PSD4: variants seen among roughly 807,000 people sequenced by gnomAD.
PSD4 encodes PH and SEC7 domain-containing protein 4.
PSD4 carries 59 observed loss-of-function variants against 112.5 expected under a neutral mutation model. The ratio of observed to expected loss-of-function variants is 0.52; its 90% confidence interval spans 0.43 to 0.65. The LOEUF is 0.65. Among genes scored for constraint, PSD4 ranks in the 30% least tolerant of loss-of-function variants. The pLI is 0.00. For missense variants in PSD4, 1,267 were observed against 1,352.6 expected, an observed-to-expected ratio of 0.94 and a Z score of 0.99; for synonymous variants, 533 against 540.0, an observed-to-expected ratio of 0.99 and a Z score of 0.18.
chr2:113,185,685 C>T (rs1486873383), intron 4 of PSD4, 192 bp from the exon 5 acceptor site: 4 of 1,548,326 alleles, frequency 2.6e-6, no homozygotes, highest in Non-Finnish European at 3.5e-6. Context: ...CCCTTAGTTG[C>T]CTGGAGGCTT....
At position 113,202,623 on chromosome 2, in the gene PSD4, A is replaced by G. The variant is rs1256034708; in HGVS notation, c.*1208A>G. ...TGGACTTGGGGCTCTGCCTGTAGGA[A>G]GGAGGCTGGGCCGGAGGGACCAGCC... On this transcript the variant is annotated 3_prime_UTR_variant, in exon 17 of 17. Coordinates refer to ENST00000245796, the MANE Select transcript of PSD4 (RefSeq NM_012455.3). The G allele has an allele frequency of 4.6e-5, 7 of 152,250 alleles. No homozygotes were observed. Among genetic ancestry groups the G allele is most frequent in the Non-Finnish European group, 8.8e-5 (6 of 68,098 alleles). The allele number at this position is 152,250 out of a possible 1,614,324, so 9.4% of individuals were successfully genotyped here.
In PSD4 at chr2:113,201,488, T is replaced by C; in HGVS notation, c.*73T>C. The C allele has an allele frequency of 1.3e-6, 2 of 1,554,554 alleles. No homozygotes were observed. The highest frequency in any genetic ancestry group is 1.7e-6 in the Non-Finnish European group (2 of 1,144,004). ...GAGATGAACCTCCCTGGAGGAGACT[T>C]ATTTCAATGAGTCCACCATGACGGA... On this transcript the variant is annotated 3_prime_UTR_variant, in exon 17 of 17. Transcript: ENST00000245796.
At chr2:113,174,270 C>T (rs1442339688) in intron 1 of PSD4, among the ~76,000 whole-genome samples, 4 of 152,180 alleles carry the variant, frequency 2.6e-5, no homozygotes, top group African/African-American at 4.8e-5. Context: ...CCTCCTCCCT[C>T]AGCCTACCCC....
rs1234302446 is a variant in PSD4, at chr2:113,204,684, C to T, written c.*3269C>T. 1 of 152,232 alleles carries T rather than the reference C, an allele frequency of 6.6e-6. No homozygotes were observed. Among genetic ancestry groups the T allele is most frequent in the Non-Finnish European group, 1.5e-5 (1 of 68,066 alleles). The allele number at this position is 152,232 out of a possible 1,614,324, so 9.4% of individuals were successfully genotyped here. A position where few individuals can be genotyped will look rare whatever the true frequency, so the allele number is the denominator to read the frequency against. ...CTGATATAACTGCTTCCTGGGCTCT[C>T]ATGATCTCAGCTGAGCCTGGCTTTC... On this transcript the variant is annotated 3_prime_UTR_variant, in exon 17 of 17. Coordinates refer to ENST00000245796, the MANE Select transcript of PSD4 (RefSeq NM_012455.3).
chr2:113,194,409 G>T (rs1290931954), intron 10 of PSD4, among the ~76,000 whole-genome samples: 2 of 152,228 alleles, frequency 1.3e-5, no homozygotes, highest in Non-Finnish European at 2.9e-5. Flanking sequence ...TTATCAAGAT[G>T]AAATGAAATC....
At position 113,201,673 on chromosome 2, in the gene PSD4, G is replaced by A. The variant is rs1444080912; in HGVS notation, c.*258G>A. On this transcript the variant is annotated 3_prime_UTR_variant, in exon 17 of 17. Coordinates refer to ENST00000245796, the MANE Select transcript of PSD4 (RefSeq NM_012455.3). ...TGGCCACGCCCAAGGGAAGAGGGAG[G>A]TGAGGACTTGACTTTCCTCCCAGAG... The A allele has an allele frequency of 5.5e-6, 3 of 540,642 alleles. No individual in the cohort carries two copies. The highest frequency in any genetic ancestry group is 3.4e-5 in the Admixed American group (1 of 29,818). 33.5% of individuals were successfully genotyped at this position (540,642 alleles called of 1,614,324 possible).
At position 113,193,143 on chromosome 2, in the gene PSD4, C is replaced by T; in HGVS notation, c.1919+15C>T. On this transcript the variant is annotated intron_variant, in intron 7 of 16. Coordinates refer to ENST00000245796, the MANE Select transcript of PSD4 (RefSeq NM_012455.3). ...CGAGCCCTCCGGTAATGTCTTTGGG[C>T]CCTCTCTGGGGAGGCTGTGGAGGAT... 9 of 1,612,380 alleles carry T rather than the reference C, an allele frequency of 5.6e-6. No homozygotes were observed. The highest frequency in any genetic ancestry group is 7.6e-6 in the Non-Finnish European group (9 of 1,178,510).
chr2:113,186,151 A>C lies in PSD4; in HGVS notation c.1524A>C (p.Ala508=). The change falls in exon 5 of 17, where the codon GCA becomes GCC. Residue 508 remains alanine, a synonymous_variant. Coordinates refer to ENST00000245796, the MANE Select transcript of PSD4 (RefSeq NM_012455.3). ...EQPSSLKKKE[A]GEAPKPGEEV... ...CAAGTTCCTTGAAGAAAAAGGAGGC[A>C]GGGGAGGCCCCAAAACCAGGCGAGG... 1 of 1,614,210 alleles carries C rather than the reference A, an allele frequency of 6.2e-7. No individual in the cohort carries two copies. The highest frequency in any genetic ancestry group is 8.5e-7 in the Non-Finnish European group (1 of 1,180,042).
intron 5 of PSD4, among the ~76,000 whole-genome samples, chr2:113,186,821 A>G (rs45466400): frequency 0.013 from 1,960 of 152,294 alleles, 39 homozygotes; most frequent in African/African-American, 0.045. Context: ...AGAAGTAGGA[A>G]TAGGCCAACT....
Position 113,182,352 on chromosome 2 carries a change from T to C in PSD4, c.-105T>C. ...TTGCTTTGGGCATTTCCAGGGTAGATATGGATTCCCAGTTTCTCCAGCGGC... is the reference window on the plus strand; with the variant it reads ...TTGCTTTGGGCATTTCCAGGGTAGACATGGATTCCCAGTTTCTCCAGCGGC... On this transcript the variant is annotated 5_prime_UTR_variant, in exon 2 of 17. Transcript: ENST00000245796. The C allele has an allele frequency of 8.8e-7, 1 of 1,136,224 alleles. No individual in the cohort carries two copies. The highest frequency in any genetic ancestry group is 1.5e-5 in the South Asian group (1 of 64,782). The allele number at this position is 1,136,224 out of a possible 1,614,324, so 70.4% of individuals were successfully genotyped here.
At chr2:113,175,828 C>T (rs1308304591) in intron 1 of PSD4, among the ~76,000 whole-genome samples, 1 of 152,198 alleles carries the variant, frequency 6.6e-6, no homozygotes, top group Non-Finnish European at 1.5e-5. Flanking sequence ...GACAGCAAAA[C>T]AACAAAATTA....
At chr2:113,195,583 G>C in intron 10 of PSD4, 144 bp from the exon 11 acceptor site, 1 of 706,906 alleles carries the variant, frequency 1.4e-6, no homozygotes, top group Non-Finnish European at 2.5e-6. Context: ...ATGGATGCTT[G>C]CTTACTCAAG....
Position 113,196,150 on chromosome 2 carries a change from TGAA to T in PSD4, c.2235_2237del (p.Glu745del), listed in dbSNP as rs1558654734. The T allele has an allele frequency of 6.2e-7, 1 of 1,609,030 alleles. No individual in the cohort carries two copies. Among genetic ancestry groups the T allele is most frequent in the Non-Finnish European group, 8.5e-7 (1 of 1,175,876 alleles). ...AGCCCGATTCTCTGATGTTCAGGGATGAAGAAGACACAGCCAGACCTGAGAAGG... is the reference window on the plus strand; with the variant it reads ...AGCCCGATTCTCTGATGTTCAGGGATGAAGACACAGCCAGACCTGAGAAGG... On this transcript the variant is annotated inframe_deletion, in exon 12 of 17. Transcript: ENST00000245796.
intron 12 of PSD4, 25 bp from the exon 13 acceptor site, chr2:113,197,539 C>G (rs1364965240): frequency 6.2e-7 from 1 of 1,613,120 alleles, no homozygotes; most frequent in African/African-American, 1.3e-5. Flanking sequence ...CCACCTACAA[C>G]ATTTGTGTTC....
At chr2:113,191,017 A>G (rs1185316442) in intron 5 of PSD4, among the ~76,000 whole-genome samples, 2 of 152,204 alleles carry the variant, frequency 1.3e-5, no homozygotes, top group East Asian at 1.9e-4. Context: ...AATTTTTGGC[A>G]TGAAGAAACT....
rs1407871000 is a variant in PSD4, at chr2:113,199,133, C to T, written c.2820C>T (p.Asp940=). 1.3e-6 allele frequency: 2 copies of T among 1,531,338 alleles called. No individual in the cohort carries two copies. The highest frequency in any genetic ancestry group is 2.4e-5 in the South Asian group (2 of 82,722). The allele number at this position is 1,531,338 out of a possible 1,614,324, so 94.9% of individuals were successfully genotyped here. The change falls in exon 16 of 17, where the codon GAC becomes GAT. Residue 940 remains aspartate, a synonymous_variant. Coordinates refer to ENST00000245796, the MANE Select transcript of PSD4 (RefSeq NM_012455.3). The part of the protein sequence containing the change: ...HENCLDAAAD[D]LLDLQRNLPE... ...ACTGCCTGGACGCTGCCGCGGACGACCTGCTGGATCTACAGAGGAACCTGC... is the reference window on the plus strand; with the variant it reads ...ACTGCCTGGACGCTGCCGCGGACGATCTGCTGGATCTACAGAGGAACCTGC...
At chr2:113,190,865 G>C (rs764302489) in intron 5 of PSD4, among the ~76,000 whole-genome samples, 7 of 152,214 alleles carry the variant, frequency 4.6e-5, no homozygotes, top group Non-Finnish European at 8.8e-5. Flanking sequence ...TTTAGGCATT[G>C]TGTTTACTAT....
In PSD4 at chr2:113,197,768, G is replaced by C. The variant is rs139999026; in HGVS notation, c.2479G>C (p.Glu827Gln). ...GTAGCAGGGAGAAGACCACTGTCTG[G>C]AGGGGGAGAGCTTGGTGGGGCAGAT... ...FLKQGEDHCLEGESLVGQMVD... is the reference protein window; with the variant it reads ...FLKQGEDHCLQGESLVGQMVD... The change falls in exon 14 of 17, where the codon GAG becomes CAG. Residue 827 changes from glutamate (E) to glutamine (Q), a missense_variant. This residue lies in a region of PSD4 where 544 missense variants were observed against 648.6 expected (regional missense o/e 0.84). Transcript: ENST00000245796. 3 of 1,610,460 alleles carry C rather than the reference G, an allele frequency of 1.9e-6. No homozygotes were observed. In the African/African-American group the frequency reaches 4.0e-5, roughly 22 times the overall value.
At chr2:113,183,756 T>A (rs1216834377) in intron 2 of PSD4, among the ~76,000 whole-genome samples, 1 of 152,128 alleles carries the variant, frequency 6.6e-6, no homozygotes, top group Non-Finnish European at 1.5e-5. Context: ...TCCATAAATG[T>A]CTCCATCTCA....
Sources: allele counts gnomAD v4.1 joint callset (sites outside exome capture counted in the v4.1 genomes callset), GRCh38; gene constraint gnomAD v4.1.1; regional missense constraint gnomAD v4.1.1; transcripts MANE v1.5; gene names NCBI Gene and HGNC (gene_info 2026-07-23, HGNC 2026-07-21).